ANTXR2: variants seen among roughly 807,000 people sequenced by gnomAD.
ANTXR2 encodes the protein ANTXR cell adhesion molecule 2.
Under a neutral mutation model 73.7 loss-of-function variants are expected in ANTXR2, and 44 were observed. That is an observed-to-expected ratio of 0.60 (90% CI 0.47 to 0.77). The LOEUF (loss-of-function observed/expected upper bound fraction) is 0.77. Among genes scored for constraint, ANTXR2 ranks in the 30% least tolerant of loss-of-function variants. ANTXR2 has a pLI of 0.00. For missense variants in ANTXR2, 604 were observed against 592.5 expected, an observed-to-expected ratio of 1.02 and a Z score of -0.20; for synonymous variants, 217 against 205.9, an observed-to-expected ratio of 1.05 and a Z score of -0.46.
chr4:80,061,809 T>A (rs1734276000), intron 3 of ANTXR2, among the ~76,000 whole-genome samples: 1 of 152,080 alleles, frequency 6.6e-6, no homozygotes, highest in South Asian at 2.1e-4. Flanking sequence ...AACCACAAAA[T>A]TAACCTGAGT....
chr4:79,962,317 A>C (rs1321829263), intron 16 of ANTXR2, among the ~76,000 whole-genome samples: 1 of 152,172 alleles, frequency 6.6e-6, no homozygotes, highest in Non-Finnish European at 1.5e-5. Context: ...AGTCAGTGGG[A>C]TAGTAGTAAA....
intron 12 of ANTXR2, among the ~76,000 whole-genome samples, chr4:79,995,990 A>G (rs1037823712): frequency 1.3e-5 from 2 of 152,026 alleles, no homozygotes; most frequent in African/African-American, 4.8e-5. Flanking sequence ...GTGCTGCCAG[A>G]TGCCACATGC....
chr4:80,059,321 CAT>C (rs111729532), intron 3 of ANTXR2, among the ~76,000 whole-genome samples: 4 of 149,356 alleles, frequency 2.7e-5, no homozygotes, highest in East Asian at 2.0e-4. Flanking sequence ...ACACAAACAC[CAT>C]ATATATATAT....
chr4:80,004,522 T>A (rs572020450), intron 12 of ANTXR2, among the ~76,000 whole-genome samples: 6 of 152,198 alleles, frequency 3.9e-5, no homozygotes, highest in African/African-American at 1.4e-4. Flanking sequence ...GTTTCTTGCC[T>A]CTTCCAGCTT....
Position 80,071,569 on chromosome 4 carries a change from AG to A in ANTXR2, c.224+13del. The A allele has an allele frequency of 6.2e-7, 1 of 1,602,996 alleles. No homozygotes were observed. Among genetic ancestry groups the A allele is most frequent in the Non-Finnish European group, 8.5e-7 (1 of 1,169,910 alleles). ...ACTTCTCCACTGCCTAGAAAAGTAA[AG>A]TAAGAAAGATACCTCACAAATCTCT... On this transcript the variant is annotated intron_variant, in intron 2 of 16. Transcript: ENST00000403729.
intron 7 of ANTXR2, among the ~76,000 whole-genome samples, chr4:80,053,444 T>C (rs1733852931): frequency 6.6e-6 from 1 of 151,708 alleles, no homozygotes; most frequent in African/African-American, 2.4e-5. Flanking sequence ...TTTGTGTTTC[T>C]AAACAACATG....
intron 2 of ANTXR2, among the ~76,000 whole-genome samples, chr4:80,070,061 T>C (rs1340242028): frequency 6.6e-6 from 1 of 152,250 alleles, no homozygotes; most frequent in African/African-American, 2.4e-5. Flanking sequence ...CTATTTTCCA[T>C]TGGCAACAAG....
chr4:80,056,083 A>G, intron 3 of ANTXR2, 70 bp from the exon 4 acceptor site: 6 of 1,084,488 alleles, frequency 5.5e-6, no homozygotes, highest in Non-Finnish European at 5.2e-6. Context: ...TTCTTAAAAA[A>G]CATGGCAGTA....
At position 79,905,006 on chromosome 4, in the gene ANTXR2, A is replaced by C. The variant is rs1054647322; in HGVS notation, c.*2423T>G. 6 of 152,164 alleles carry C rather than the reference A, an allele frequency of 3.9e-5. No individual in the cohort carries two copies. Among genetic ancestry groups the C allele is most frequent in the African/African-American group, 1.4e-4 (6 of 41,444 alleles). 9.4% of individuals were successfully genotyped at this position (152,164 alleles called of 1,614,324 possible). ...TGGTTCATATCTTTAAGGGCAATGA[A>C]ATTCCATCAGTCTTTGAACTTTATT... On this transcript the variant is annotated 3_prime_UTR_variant, in exon 17 of 17. Coordinates refer to ENST00000403729, the MANE Select transcript of ANTXR2 (RefSeq NM_058172.6).
chr4:80,011,950 T>G (rs1006218516), intron 11 of ANTXR2, among the ~76,000 whole-genome samples: 1 of 152,226 alleles, frequency 6.6e-6, no homozygotes, highest in Non-Finnish European at 1.5e-5. Flanking sequence ...AAAACTTTAT[T>G]CTGCCAAATA....
At chr4:80,065,900 T>A (rs983686138) in intron 3 of ANTXR2, among the ~76,000 whole-genome samples, 2 of 152,236 alleles carry the variant, frequency 1.3e-5, no homozygotes, top group Non-Finnish European at 2.9e-5. Flanking sequence ...CACACTCTGA[T>A]CTATTTGTGA....
chr4:79,948,269 G>A (rs1190792407), intron 16 of ANTXR2, among the ~76,000 whole-genome samples: 2 of 152,046 alleles, frequency 1.3e-5, no homozygotes, highest in Non-Finnish European at 2.9e-5. Flanking sequence ...AGAGGACTTG[G>A]TTGAAAAATG....
chr4:79,978,691 A>T (rs1020337206), intron 14 of ANTXR2, among the ~76,000 whole-genome samples: 2 of 152,208 alleles, frequency 1.3e-5, no homozygotes, highest in Non-Finnish European at 2.9e-5. Flanking sequence ...AGGCACAGGG[A>T]GGTTAAGTGA....
At chr4:80,011,864 TGGGATTAGTGTATTCA>T (rs1017848081) in intron 11 of ANTXR2, among the ~76,000 whole-genome samples, 3 of 152,230 alleles carry the variant, frequency 2.0e-5, no homozygotes, top group Non-Finnish European at 2.9e-5. Context: ...AGCTGATGTC[TGGGATTAGTGTATTCA>T]GGGACTGTGT....
rs1726820010 is a variant in ANTXR2 at position 79,904,178 on chromosome 4, A to C, written c.*3251T>G. On this transcript the variant is annotated 3_prime_UTR_variant, in exon 17 of 17. Coordinates refer to ENST00000403729, the MANE Select transcript of ANTXR2 (RefSeq NM_058172.6). ...AATGGTTAGTGATATTTAGATAATA[A>C]AGTTAACTTCACAGAAACACCCAAA... The C allele has an allele frequency of 6.6e-6, 1 of 152,158 alleles. No individual in the cohort carries two copies. The highest frequency in any genetic ancestry group is 6.6e-5 in the Admixed American group (1 of 15,260). The allele number at this position is 152,158 out of a possible 1,614,324, so 9.4% of individuals were successfully genotyped here.
At chr4:80,023,314 G>A (rs1477240343) in intron 10 of ANTXR2, among the ~76,000 whole-genome samples, 1 of 152,072 alleles carries the variant, frequency 6.6e-6, no homozygotes, top group Non-Finnish European at 1.5e-5. Flanking sequence ...TGAGCTCTGT[G>A]CTTAAACCTC....
intron 4 of ANTXR2, 77 bp from the exon 5 acceptor site, chr4:80,055,544 G>T (rs938056781): frequency 7.3e-6 from 9 of 1,232,318 alleles, no homozygotes; most frequent in Non-Finnish European, 8.1e-6. Context: ...AGCTGAATTT[G>T]TAAGTCTGAC....
Position 80,036,059 on chromosome 4 carries a change from C to T in ANTXR2, c.637-27G>A, listed in dbSNP as rs1473415347. 5.6e-6 allele frequency: 8 copies of T among 1,438,238 alleles called. No individual in the cohort carries two copies. The Admixed American group carries it at 1.7e-4, about 31-fold the overall frequency. 89.1% of individuals were successfully genotyped at this position (1,438,238 alleles called of 1,614,324 possible). A position where few individuals can be genotyped will look rare whatever the true frequency, so the allele number is the denominator to read the frequency against. ...TAAAAAAGAAAAAAAAAAAAGATTA[C>T]CAAGCTATAGATCTAAAATTACAAT... On this transcript the variant is annotated intron_variant, in intron 7 of 16. Coordinates refer to ENST00000403729, the MANE Select transcript of ANTXR2 (RefSeq NM_058172.6).
intron 10 of ANTXR2, among the ~76,000 whole-genome samples, chr4:80,029,614 GACAA>G (rs1173019804): frequency 6.6e-6 from 1 of 151,862 alleles, no homozygotes; most frequent in African/African-American, 2.4e-5. Flanking sequence ...CATAATAACA[GACAA>G]ACAATTGGCT....
Sources: allele counts gnomAD v4.1 joint callset (sites outside exome capture counted in the v4.1 genomes callset), GRCh38; gene constraint gnomAD v4.1.1; transcripts MANE v1.5; gene names NCBI Gene and HGNC (gene_info 2026-07-23, HGNC 2026-07-21).